Variants in GRM3 observed in about 807,000 individuals in gnomAD.
GRM3 encodes the protein metabotropic glutamate receptor 3.
GRM3 carries 26 observed loss-of-function variants against 70.5 expected under a neutral mutation model. The ratio of observed to expected loss-of-function variants is 0.37; its 90% CI spans 0.27 to 0.51. The LOEUF (loss-of-function observed/expected upper bound fraction) is 0.51, where lower values mean the gene tolerates loss of function less well. Ranked by LOEUF, GRM3 falls within the 20% of genes least tolerant of loss-of-function variation. GRM3 has a pLI of 0.93. For synonymous variants in GRM3, 443 were observed against 434.9 expected (o/e 1.02, Z -0.23); for missense variants, 859 against 1,123.8 (o/e 0.76, Z 3.37).
At chr7:86,727,482 C>T (rs1286894132) in intron 1 of GRM3, among the ~76,000 whole-genome samples, 1 of 152,194 alleles carries the variant, frequency 6.6e-6, no homozygotes, top group African/African-American at 2.4e-5. Context: ...GCATAAAGCT[C>T]TTCTGGCACA....
intron 2 of GRM3, among the ~76,000 whole-genome samples, chr7:86,779,568 A>G (rs1401164121): frequency 6.6e-6 from 1 of 152,242 alleles, no homozygotes; most frequent in Non-Finnish European, 1.5e-5. Flanking sequence ...TCAGAGATTA[A>G]CGAGAGTTCT....
At position 86,644,830 on chromosome 7, in the gene GRM3, A is replaced by G. The variant is rs1470038938; in HGVS notation, c.-183A>G. On this transcript the variant is annotated 5_prime_UTR_variant, in exon 1 of 6. Coordinates refer to ENST00000361669, the MANE Select transcript of GRM3 (RefSeq NM_000840.3). ...GTGCAGGCTCACCGCCGCCGCTGCCACCGCGGTCAGCTCCAGTTCCTGCCA... is the reference window on the plus strand; with the variant it reads ...GTGCAGGCTCACCGCCGCCGCTGCCGCCGCGGTCAGCTCCAGTTCCTGCCA... 2 of 1,289,568 alleles carry G rather than the reference A, an allele frequency of 1.6e-6. No individual in the cohort carries two copies. The highest frequency in any genetic ancestry group is 2.5e-5 in the South Asian group (2 of 81,022). The allele number at this position is 1,289,568 out of a possible 1,614,324, so 79.9% of individuals were successfully genotyped here.
intron 1 of GRM3, among the ~76,000 whole-genome samples, chr7:86,652,732 C>G (rs1303726047): frequency 6.6e-6 from 1 of 152,164 alleles, no homozygotes; most frequent in African/African-American, 2.4e-5. Context: ...TAACCTCTCC[C>G]TTTCCTTTAT....
At chr7:86,646,012 G>GTGGTT (rs1793460378) in intron 1 of GRM3, among the ~76,000 whole-genome samples, 1 of 76,910 alleles carries the variant, frequency 1.3e-5, no homozygotes, top group African/African-American at 5.1e-5. Flanking sequence ...GGGGTGGGGG[G>GTGGTT]GGGTGGGAGG....
intron 1 of GRM3, among the ~76,000 whole-genome samples, chr7:86,663,358 A>G (rs1385563118): frequency 1.3e-5 from 2 of 152,016 alleles, no homozygotes; most frequent in Non-Finnish European, 2.9e-5. Flanking sequence ...AAAATTGATG[A>G]TATCAGGCAT....
intron 1 of GRM3, among the ~76,000 whole-genome samples, chr7:86,745,144 T>C (rs939192155): frequency 2.0e-5 from 3 of 152,228 alleles, no homozygotes; most frequent in Admixed American, 1.3e-4. Flanking sequence ...GTTGGCTTTG[T>C]TAAACAGCAG....
At chr7:86,645,575 A>G (rs564429728) in intron 1 of GRM3, among the ~76,000 whole-genome samples, 1 of 152,296 alleles carries the variant, frequency 6.6e-6, no homozygotes, top group South Asian at 2.1e-4. Context: ...GATATATCCA[A>G]TAAGCTTGTT....
In GRM3 at chr7:86,644,878, G is replaced by A. The variant is rs1295001154; in HGVS notation, c.-141+6G>A. 1 of 1,283,926 alleles carries A rather than the reference G, an allele frequency of 7.8e-7. No individual in the cohort carries two copies. Among genetic ancestry groups the A allele is most frequent in the Non-Finnish European group, 1.0e-6 (1 of 983,956 alleles). The allele number at this position is 1,283,926 out of a possible 1,614,324, so 79.5% of individuals were successfully genotyped here. ...CCAGGAGTTGTCGGTGCGAGGTAAG[G>A]GTCCCAGAGGAGGACGTGTCCCTCT... On this transcript the variant is annotated splice_donor_region_variant and intron_variant, in intron 1 of 5. Coordinates refer to ENST00000361669, the MANE Select transcript of GRM3 (RefSeq NM_000840.3).
At chr7:86,706,921 G>T (rs1458351468) in intron 1 of GRM3, among the ~76,000 whole-genome samples, 1 of 152,016 alleles carries the variant, frequency 6.6e-6, no homozygotes, top group African/African-American at 2.4e-5. Context: ...TTTTTTCCTA[G>T]AAGTTGTCAT....
chr7:86,644,655 G>T lies in GRM3; in HGVS notation c.-358G>T. The T allele has an allele frequency of 1.9e-6, 1 of 535,542 alleles. No individual in the cohort carries two copies. The highest frequency in any genetic ancestry group is 3.3e-6 in the Non-Finnish European group (1 of 299,984). The allele number at this position is 535,542 out of a possible 1,614,324, so 33.2% of individuals were successfully genotyped here. On this transcript the variant is annotated 5_prime_UTR_variant, in exon 1 of 6. It adds an upstream start codon to the 5' untranslated region. Transcript: ENST00000361669. Reference sequence around the variant, plus strand: ...TCCAGCGTGCAGCCGGGAGGGGGCAGGGGCAGGGGGCACTGTGACAGGAAG... The same window carrying T: ...TCCAGCGTGCAGCCGGGAGGGGGCATGGGCAGGGGGCACTGTGACAGGAAG...
intron 3 of GRM3, among the ~76,000 whole-genome samples, chr7:86,837,302 A>C (rs1467683032): frequency 2.0e-5 from 3 of 152,132 alleles, no homozygotes; most frequent in Non-Finnish European, 4.4e-5. Context: ...CTTTTAGCCC[A>C]TACAATAACT....
chr7:86,713,307 T>A (rs1377058192), intron 1 of GRM3, among the ~76,000 whole-genome samples: 1 of 152,090 alleles, frequency 6.6e-6, no homozygotes, highest in Non-Finnish European at 1.5e-5. Context: ...GATATTTTGC[T>A]CATTTTAAAG....
intron 2 of GRM3, among the ~76,000 whole-genome samples, chr7:86,771,231 G>A (rs1251761984): frequency 6.6e-6 from 1 of 151,982 alleles, no homozygotes; most frequent in Non-Finnish European, 1.5e-5. Context: ...GCATTTAAGG[G>A]TATTTCTTAA....
chr7:86,788,162 GA>G (rs1797315853), intron 3 of GRM3, among the ~76,000 whole-genome samples: 1 of 152,138 alleles, frequency 6.6e-6, no homozygotes, highest in African/African-American at 2.4e-5. Flanking sequence ...TGCTTCCACA[GA>G]AGTATCATCC....
At chr7:86,816,454 C>G (rs931230901) in intron 3 of GRM3, among the ~76,000 whole-genome samples, 1 of 151,904 alleles carries the variant, frequency 6.6e-6, no homozygotes, top group Middle Eastern at 3.2e-3. Context: ...CCAGCATCCA[C>G]CCTCAAGTAG....
intron 3 of GRM3, among the ~76,000 whole-genome samples, chr7:86,816,551 T>A (rs1798020219): frequency 6.6e-6 from 1 of 151,980 alleles, no homozygotes; most frequent in Non-Finnish European, 1.5e-5. Flanking sequence ...CATATTTGGT[T>A]TTCTGTTTCT....
chr7:86,648,186 T>C (rs1793523955), intron 1 of GRM3, among the ~76,000 whole-genome samples: 1 of 150,158 alleles, frequency 6.7e-6, no homozygotes, highest in Non-Finnish European at 1.5e-5. Flanking sequence ...CTTATATATG[T>C]GTATAACTAT....
At position 86,786,109 on chromosome 7, in the gene GRM3, T is replaced by C. The variant is rs913237600; in HGVS notation, c.469-152T>C. ...AAAATACAGTATCCAAGGAAGCATC[T>C]GGTATTCATCTCAAGAACTAACAGA... On this transcript the variant is annotated intron_variant, in intron 2 of 5. Coordinates refer to ENST00000361669, the MANE Select transcript of GRM3 (RefSeq NM_000840.3). The surrounding 1 kb of genome is among the most constrained non-coding windows in gnomAD (Gnocchi z 6.0). 5 of 693,898 alleles carry C rather than the reference T, an allele frequency of 7.2e-6. No homozygotes were observed. In the Admixed American group the frequency reaches 1.2e-4, roughly 16 times the overall value. The allele number at this position is 693,898 out of a possible 1,614,324, so 43.0% of individuals were successfully genotyped here. A position where few individuals can be genotyped will look rare whatever the true frequency, so the allele number is the denominator to read the frequency against.
intron 1 of GRM3, among the ~76,000 whole-genome samples, chr7:86,660,638 T>TTGCTTTGA (rs138282410): frequency 0.68 from 102,733 of 151,464 alleles, 35,183 homozygotes; most frequent in South Asian, 0.86. Context: ...GATTCATTAG[T>TTGCTTTGA]TGATAAAAAG....
Sources: allele counts gnomAD v4.1 joint callset (sites outside exome capture counted in the v4.1 genomes callset), GRCh38; gene constraint gnomAD v4.1.1; non-coding constraint Gnocchi (gnomAD v3.1); transcripts MANE v1.5; gene names NCBI Gene and HGNC (gene_info 2026-07-23, HGNC 2026-07-21).